The following SEC14L5 variants were observed in gnomAD, a reference collection of about 807,000 sequenced individuals.
The protein encoded by SEC14L5 is SEC14-like protein 5.
In SEC14L5, 96 loss-of-function variants were observed where a neutral mutation model predicts 84.6. That is an observed-to-expected ratio of 1.13 (90% CI 0.96 to 1.34). The LOEUF is 1.34. SEC14L5 is among the 40% of genes most tolerant of loss of function. The pLI is 0.00. For synonymous variants in SEC14L5, 546 were observed against 383.4 expected, an observed-to-expected ratio of 1.42 and a Z score of -4.95; for missense variants, 1,224 against 942.5, an observed-to-expected ratio of 1.30 and a Z score of -3.91.
intron 5 of SEC14L5, among the ~76,000 whole-genome samples, chr16:4,991,538 C>G (rs577002410): frequency 6.6e-6 from 1 of 151,992 alleles, no homozygotes; most frequent in South Asian, 2.1e-4. Context: ...TGCACTCCAG[C>G]CTGGGCAACA....
intron 2 of SEC14L5, among the ~76,000 whole-genome samples, chr16:4,976,909 G>A (rs1472713179): frequency 2.6e-5 from 4 of 152,154 alleles, no homozygotes; most frequent in African/African-American, 4.8e-5. Context: ...GACAGGAGCC[G>A]GCAGCTGAGG....
At position 4,990,885 on chromosome 16, in the gene SEC14L5, A is replaced by G. The variant is rs1230788880; in HGVS notation, c.464A>G (p.Asn155Ser). The G allele has an allele frequency of 1.1e-5, 18 of 1,599,556 alleles. No individual in the cohort carries two copies. The highest frequency in any genetic ancestry group is 2.3e-5 in the South Asian group (2 of 88,812). The change falls in exon 5 of 16, where the codon AAC (asparagine) becomes AGC (serine). Residue 155 changes from asparagine to serine, a missense_variant. Physicochemically the swap from Asn to Ser is conservative, Grantham distance 46 (BLOSUM62 1). Coordinates refer to ENST00000251170, the MANE Select transcript of SEC14L5 (RefSeq NM_014692.2). Reference protein sequence around the residue: ...EKIAMKQYTANVKRGKEVIEH... With the variant: ...EKIAMKQYTASVKRGKEVIEH... Reference sequence around the variant, plus strand: ...ATCGCCATGAAGCAGTACACCGCCAACGTCAAGAGGGTAAGCGGTGGGTTG... The same window carrying G: ...ATCGCCATGAAGCAGTACACCGCCAGCGTCAAGAGGGTAAGCGGTGGGTTG...
intron 4 of SEC14L5, among the ~76,000 whole-genome samples, chr16:4,989,841 C>G (rs983866744): frequency 6.6e-6 from 1 of 152,032 alleles, no homozygotes. Context: ...ATGCAGATTC[C>G]TGGGCCCCAA....
chr16:4,982,413 C>T lies in SEC14L5; in HGVS notation c.64-5144C>T, dbSNP rs79912145. ...CTGGGATACGCCCCCACCACCCTGA[C>T]CCTGGCCCTTCTAGAACTGGGCACG... On this transcript the variant is annotated intron_variant, in intron 2 of 15. Transcript: ENST00000251170. Among the ~76,000 whole-genome samples the T allele has an allele frequency of 2.5e-4, 38 of 152,310 alleles. No homozygotes were observed. In the East Asian group the frequency reaches 7.0e-3, roughly 28 times the overall value.
intron 6 of SEC14L5, among the ~76,000 whole-genome samples, chr16:4,994,712 C>G (rs1596632947): frequency 6.6e-6 from 1 of 151,484 alleles, no homozygotes; most frequent in Admixed American, 6.6e-5. Context: ...AGCGCCCGCT[C>G]CTGCCCCCTC....
chr16:4,996,522 G>A (rs1019717374), intron 7 of SEC14L5, 62 bp downstream of exon 7: 12 of 835,972 alleles, frequency 1.4e-5, no homozygotes, highest in East Asian at 2.7e-5. Context: ...CTCAGCCTCC[G>A]TGCATGGGAA....
rs368032929 is a variant in SEC14L5, at chr16:5,005,930, A to G, written c.1319A>G (p.Asn440Ser). ...VLWTLISPFINENTRRKFLIY... is the reference protein window; with the variant it reads ...VLWTLISPFISENTRRKFLIY... ...TGGTTTCAGATCAGCCCCTTCATCA[A>G]TGAGAACACCAGGCGGAAGTTCCTC... Residue 440 changes from asparagine to serine, a missense_variant, in exon 12 of 16, where the codon AAT (asparagine) becomes AGT (serine). Coordinates refer to ENST00000251170, the MANE Select transcript of SEC14L5 (RefSeq NM_014692.2). 79 of 1,600,600 alleles carry G rather than the reference A, an allele frequency of 4.9e-5. No homozygotes were observed. In the East Asian group the frequency reaches 8.8e-4, roughly 18 times the overall value.
chr16:4,963,368 G>T (rs1955152857), intron 2 of SEC14L5, among the ~76,000 whole-genome samples: 1 of 152,002 alleles, frequency 6.6e-6, no homozygotes, highest in Non-Finnish European at 1.5e-5. Flanking sequence ...TTAAGATGGA[G>T]TCTCGCTCGC....
chr16:4,977,176 G>T (rs567054820), intron 2 of SEC14L5, among the ~76,000 whole-genome samples: 2 of 152,194 alleles, frequency 1.3e-5, no homozygotes, highest in East Asian at 3.9e-4. Context: ...CCCAGGTGCA[G>T]TGGCTCACGC....
chr16:4,985,875 AT>A (rs1226029280), intron 2 of SEC14L5, among the ~76,000 whole-genome samples: 1 of 151,474 alleles, frequency 6.6e-6, no homozygotes, highest in Admixed American at 6.6e-5. Flanking sequence ...AAATTGTATT[AT>A]TTTTTCTTTT....
rs780962430 is a variant in SEC14L5 at position 4,991,935 on chromosome 16, C to T, written c.572C>T (p.Ala191Val). The T allele has an allele frequency of 1.2e-6, 2 of 1,602,912 alleles. No individual in the cohort carries two copies. The highest frequency in any genetic ancestry group is 1.7e-6 in the Non-Finnish European group (2 of 1,177,368). The change falls in exon 6 of 16, where the codon GCC (alanine) becomes GTC (valine). Residue 191 changes from alanine (A) to valine (V), a missense_variant. Physicochemically the swap from Ala to Val is moderately conservative, Grantham distance 64. Coordinates refer to ENST00000251170, the MANE Select transcript of SEC14L5 (RefSeq NM_014692.2). ...CCTGCCCCAGTCCGTGAGGAGGATG[C>T]CCGCAACCAGGCTGGACCGAGGGAC... ...WTPAPVREED[A>V]RNQAGPRDPS...
intron 8 of SEC14L5, among the ~76,000 whole-genome samples, chr16:4,999,411 C>T (rs1463656732): frequency 6.6e-6 from 1 of 152,172 alleles, no homozygotes; most frequent in South Asian, 2.1e-4. Flanking sequence ...TCGAGACCAG[C>T]CTGGGCAACA....
At chr16:4,978,546 G>A (rs146643150) in intron 2 of SEC14L5, among the ~76,000 whole-genome samples, 2,168 of 149,142 alleles carry the variant, frequency 0.015, 44 homozygotes, top group African/African-American at 0.047. Context: ...AGCCACCTGA[G>A]TAGCTGGTAT....
Position 5,003,424 on chromosome 16 carries a change from C to A in SEC14L5, c.1153C>A (p.Leu385Met), listed in dbSNP as rs764677667. ...CAGCTCCTGGACCTGCCTGCTAGAC[C>A]TGGAGGGACTCAACATGCGGCACCT... ...PISSWTCLLD[L>M]EGLNMRHLWR... The change falls in exon 11 of 16, where the codon CTG becomes ATG. Residue 385 changes from leucine (L) to methionine (M), a missense_variant. Leu to Met is a conservative substitution (Grantham distance 15). Transcript: ENST00000251170. 6.2e-7 allele frequency: 1 copy of A among 1,613,330 alleles called. No homozygotes were observed. The highest frequency in any genetic ancestry group is 8.5e-7 in the Non-Finnish European group (1 of 1,179,774).
At position 5,005,913 on chromosome 16, in the gene SEC14L5, G is replaced by T. The variant is rs768942877; in HGVS notation, c.1303-1G>T. ...CATCTTGCCTTATGTCCTGGTTTCAGATCAGCCCCTTCATCAATGAGAACA... is the reference window on the plus strand; with the variant it reads ...CATCTTGCCTTATGTCCTGGTTTCATATCAGCCCCTTCATCAATGAGAACA... On this transcript the variant is annotated splice_acceptor_variant, in intron 11 of 15. Coordinates refer to ENST00000251170, the MANE Select transcript of SEC14L5 (RefSeq NM_014692.2). LOFTEE classifies it high-confidence loss of function. 1.3e-6 allele frequency: 2 copies of T among 1,542,086 alleles called. No individual in the cohort carries two copies. The highest frequency in any genetic ancestry group is 1.9e-5 in the Admixed American group (1 of 53,270).
At chr16:4,998,109 G>A (rs1388414689) in intron 8 of SEC14L5, among the ~76,000 whole-genome samples, 2 of 150,284 alleles carry the variant, frequency 1.3e-5, no homozygotes, top group African/African-American at 2.4e-5. Flanking sequence ...AGGTTCAAGC[G>A]ATTCTCCTGC....
In SEC14L5 at chr16:4,959,317, C is replaced by T. The variant is rs374740972; in HGVS notation, c.-7C>T. ...CTGGTGACCTCCATTGGTGCTCCAGCGTGAACATGGTGCAAAGATACCAGT... is the reference window on the plus strand; with the variant it reads ...CTGGTGACCTCCATTGGTGCTCCAGTGTGAACATGGTGCAAAGATACCAGT... On this transcript the variant is annotated 5_prime_UTR_variant, in exon 2 of 16. Transcript: ENST00000251170. 34 of 1,612,224 alleles carry T rather than the reference C, an allele frequency of 2.1e-5. No homozygotes were observed. The highest frequency in any genetic ancestry group is 9.4e-5 in the African/African-American group (7 of 74,848).
At chr16:4,997,805 G>T (rs1221221081) in intron 8 of SEC14L5, among the ~76,000 whole-genome samples, 1 of 152,062 alleles carries the variant, frequency 6.6e-6, no homozygotes, top group Non-Finnish European at 1.5e-5. Context: ...GGTGGACCCA[G>T]GTGTTCCTTG....
chr16:4,965,836 G>A (rs1044984349), intron 2 of SEC14L5, among the ~76,000 whole-genome samples: 3 of 151,872 alleles, frequency 2.0e-5, no homozygotes, highest in African/African-American at 7.3e-5. Flanking sequence ...GAGCTGAGGA[G>A]TTTGAGACCA....
Sources: allele counts gnomAD v4.1 joint callset (sites outside exome capture counted in the v4.1 genomes callset), GRCh38; gene constraint gnomAD v4.1.1; transcripts MANE v1.5; gene names NCBI Gene and HGNC (gene_info 2026-07-23, HGNC 2026-07-21).